Variants in MAML2 observed in about 807,000 individuals in gnomAD.
The protein encoded by MAML2 is mastermind like transcriptional coactivator 2, also known as mastermind-like protein 2.
A neutral mutation model predicts 96.1 loss-of-function variants in MAML2; 22 were observed. The ratio of observed to expected loss-of-function variants is 0.23; its 90% CI spans 0.16 to 0.33. The LOEUF is 0.33. MAML2 is among the 10% of genes least tolerant of loss of function. MAML2 has a pLI of 1.00. For synonymous variants in MAML2, 561 were observed against 521.3 expected, an observed-to-expected ratio of 1.08 and a Z score of -1.04; for missense variants, 1,367 against 1,392.4, an observed-to-expected ratio of 0.98 and a Z score of 0.29.
intron 1 of MAML2, among the ~76,000 whole-genome samples, chr11:96,321,305 C>G (rs1591131328): frequency 6.6e-6 from 1 of 152,204 alleles, no homozygotes. Flanking sequence ...CTTTTAGAAT[C>G]TTAAATCACG....
chr11:96,099,844 T>C (rs1859895154), intron 1 of MAML2, among the ~76,000 whole-genome samples: 1 of 152,234 alleles, frequency 6.6e-6, no homozygotes. Context: ...ACTGCCATGT[T>C]GCCCAGGCTG....
intron 1 of MAML2, among the ~76,000 whole-genome samples, chr11:96,183,329 G>GT (rs1231972519): frequency 0.01 from 3 of 290 alleles, no homozygotes; most frequent in Non-Finnish European, 0.023. Context: ...ATGAATTTTA[G>GT]ATTTTTTATT....
intron 2 of MAML2, among the ~76,000 whole-genome samples, chr11:96,020,664 A>G (rs980527596): frequency 1.3e-5 from 2 of 152,228 alleles, no homozygotes; most frequent in Non-Finnish European, 2.9e-5. Context: ...TGGATACACT[A>G]CTGTGAGCTA....
intron 2 of MAML2, among the ~76,000 whole-genome samples, chr11:96,032,300 A>G (rs1302296601): frequency 6.6e-6 from 1 of 152,110 alleles, no homozygotes; most frequent in Non-Finnish European, 1.5e-5. Flanking sequence ...ATAAAAAGTT[A>G]TGTTTCCACT....
At chr11:96,196,149 GT>G (rs1861726980) in intron 1 of MAML2, among the ~76,000 whole-genome samples, 1 of 152,126 alleles carries the variant, frequency 6.6e-6, no homozygotes, top group Admixed American at 6.5e-5. Context: ...AGTGACTATT[GT>G]TAATTAATGT....
chr11:96,088,566 G>C (rs1859654631), intron 2 of MAML2, among the ~76,000 whole-genome samples: 1 of 152,140 alleles, frequency 6.6e-6, no homozygotes, highest in Non-Finnish European at 1.5e-5. Flanking sequence ...AGGAAGGGAA[G>C]AAAATTATAG....
At chr11:96,070,167 G>A (rs1859320856) in intron 2 of MAML2, among the ~76,000 whole-genome samples, 3 of 152,076 alleles carry the variant, frequency 2.0e-5, no homozygotes, top group African/African-American at 2.4e-5. Context: ...GCGGGCGCCT[G>A]TAGTCCCAGC....
chr11:96,336,140 G>A (rs766978667), intron 1 of MAML2, among the ~76,000 whole-genome samples: 5 of 150,580 alleles, frequency 3.3e-5, no homozygotes, highest in African/African-American at 5.0e-5. Context: ...CATACAGCTA[G>A]TAAGTATAAC....
intron 1 of MAML2, among the ~76,000 whole-genome samples, chr11:96,296,662 A>G (rs117917699): frequency 0.029 from 4,405 of 152,206 alleles, 80 homozygotes; most frequent in South Asian, 0.048. Context: ...AAAATTAAAT[A>G]AATAAATAAA....
chr11:96,303,711 A>T (rs1365352773), intron 1 of MAML2, among the ~76,000 whole-genome samples: 1 of 152,210 alleles, frequency 6.6e-6, no homozygotes, highest in African/African-American at 2.4e-5. Flanking sequence ...TCCAGCAAGA[A>T]CAGATTTAAG....
At chr11:96,193,076 T>C (rs558883227) in intron 1 of MAML2, among the ~76,000 whole-genome samples, 24 of 152,258 alleles carry the variant, frequency 1.6e-4, no homozygotes, top group African/African-American at 5.5e-4. Flanking sequence ...CTGATTAAAG[T>C]ATGGTGTTGG....
At chr11:96,042,688 A>ATT in intron 2 of MAML2, among the ~76,000 whole-genome samples, 1 of 151,476 alleles carries the variant, frequency 6.6e-6, no homozygotes, top group Middle Eastern at 3.2e-3. Context: ...TAATGTCACA[A>ATT]AGCTCAATGA....
At chr11:96,032,606 A>G (rs936391748) in intron 2 of MAML2, among the ~76,000 whole-genome samples, 1 of 151,030 alleles carries the variant, frequency 6.6e-6, no homozygotes, top group African/African-American at 2.4e-5. Context: ...AAAAAAAAAA[A>G]GTTATGTTTC....
At chr11:96,107,612 C>A (rs1427711653) in intron 1 of MAML2, among the ~76,000 whole-genome samples, 1 of 152,180 alleles carries the variant, frequency 6.6e-6, no homozygotes, top group Non-Finnish European at 1.5e-5. Flanking sequence ...TCCTGGATAG[C>A]CTCAGGAGGC....
chr11:95,991,606 A>G lies in MAML2; in HGVS notation c.2257T>C (p.Leu753=), dbSNP rs1857913402. 6.2e-7 allele frequency: 1 copy of G among 1,613,732 alleles called. No homozygotes were observed. The change falls in exon 3 of 5, where the codon TTG becomes CTG. Residue 753 remains leucine (L), a synonymous_variant. Coordinates refer to ENST00000524717, the MANE Select transcript of MAML2 (RefSeq NM_032427.4). ...TGTAGAGTCTGCTTCTTTCCCATCA[A>G]TTGCTGATTCAACAGTGATTGCTGG... ...NSQQSLLNQQ[L]MGKKQTLQRQ...
chr11:96,158,265 G>A (rs937791015), intron 1 of MAML2, among the ~76,000 whole-genome samples: 3 of 152,148 alleles, frequency 2.0e-5, no homozygotes, highest in South Asian at 2.1e-4. Context: ...CTGTTGACAC[G>A]TGTTGGTTTC....
chr11:96,246,151 A>G (rs776834021), intron 1 of MAML2, among the ~76,000 whole-genome samples: 1 of 152,130 alleles, frequency 6.6e-6, no homozygotes, highest in African/African-American at 2.4e-5. Context: ...CCAACAGGTA[A>G]ATACATCCTA....
intron 1 of MAML2, among the ~76,000 whole-genome samples, chr11:96,329,979 T>C (rs949657216): frequency 3.9e-5 from 6 of 152,234 alleles, no homozygotes; most frequent in Non-Finnish European, 8.8e-5. Flanking sequence ...TGCTATGCTG[T>C]TTGAGTCTCC....
chr11:96,312,341 G>T (rs1275129760), intron 1 of MAML2, among the ~76,000 whole-genome samples: 1 of 151,722 alleles, frequency 6.6e-6, no homozygotes, highest in Non-Finnish European at 1.5e-5. Context: ...AGTCCTAAAG[G>T]GCATTTTCTT....
Sources: gnomAD v4.1 joint callset for allele counts (sites outside exome capture counted in the v4.1 genomes callset) on GRCh38, gnomAD v4.1.1 for gene constraint, MANE v1.5 for transcripts, NCBI Gene and HGNC (gene_info 2026-07-23, HGNC 2026-07-21) for gene names.